SRGAP3: variants seen among roughly 807,000 people sequenced by gnomAD.
The protein encoded by SRGAP3 is SLIT-ROBO Rho GTPase activating protein 3.
Under a neutral mutation model 121.1 loss-of-function variants are expected in SRGAP3, and 39 were observed. The observed-to-expected ratio is 0.32, with a 90% CI of 0.25 to 0.42. The LOEUF (loss-of-function observed/expected upper bound fraction) is 0.42, where lower values mean the gene tolerates loss of function less well. Ranked by LOEUF, SRGAP3 falls within the 10% of genes least tolerant of loss-of-function variation. The pLI, the probability that SRGAP3 is intolerant of heterozygous loss-of-function variation, is 1.00. For synonymous variants in SRGAP3, 601 were observed against 570.0 expected (o/e 1.05, Z -0.77); for missense variants, 1,213 against 1,470.6 (o/e 0.82, Z 2.86).
intron 14 of SRGAP3, among the ~76,000 whole-genome samples, chr3:9,017,273 A>G (rs1029414798): frequency 6.6e-6 from 1 of 152,182 alleles, no homozygotes; most frequent in African/African-American, 2.4e-5. Context: ...TATTCATACA[A>G]TAAGGTTTTC....
intron 1 of SRGAP3, among the ~76,000 whole-genome samples, chr3:9,349,521 C>T (rs997455450): frequency 1.1e-4 from 16 of 152,138 alleles, no homozygotes; most frequent in African/African-American, 3.9e-4. Context: ...AGGAACCATG[C>T]CAAGCCATGA....
At chr3:9,125,486 G>A (rs760673784) in intron 1 of SRGAP3, among the ~76,000 whole-genome samples, 55 of 152,164 alleles carry the variant, frequency 3.6e-4, no homozygotes, top group Non-Finnish European at 5.1e-4. Flanking sequence ...GGCTGAGAAG[G>A]GCATGCTTTT....
At position 9,059,689 on chromosome 3, in the gene SRGAP3, G is replaced by T. The variant is rs1268024005; in HGVS notation, c.801+542C>A. ...CGTGTCCTGCACAGCGGGTACTCGG[G>T]AGTCAGTGTTCCGTTCTCCATTTGC... On this transcript the variant is annotated intron_variant, in intron 6 of 21. Transcript: ENST00000383836. 1.9e-5 allele frequency: 4 copies of T among 205,240 alleles called. No homozygotes were observed. The East Asian group carries it at 3.8e-4, about 20-fold the overall frequency. The allele number at this position is 205,240 out of a possible 1,614,324, so 12.7% of individuals were successfully genotyped here.
intron 1 of SRGAP3, among the ~76,000 whole-genome samples, chr3:9,335,819 A>G (rs1214112028): frequency 6.6e-6 from 1 of 152,136 alleles, no homozygotes; most frequent in Non-Finnish European, 1.5e-5. Context: ...TAAGATTTAA[A>G]TGGTCTGGGA....
At chr3:9,104,634 G>C in intron 3 of SRGAP3, 46 bp downstream of exon 3, 1 of 1,612,022 alleles carries the variant, frequency 6.2e-7, no homozygotes, top group Non-Finnish European at 8.5e-7. Context: ...CCATGGGCCA[G>C]CTTGGGGCAA....
At chr3:9,106,560 C>T (rs1410414888) in intron 2 of SRGAP3, among the ~76,000 whole-genome samples, 1 of 152,152 alleles carries the variant, frequency 6.6e-6, no homozygotes, top group Non-Finnish European at 1.5e-5. Context: ...CCCAGAATTC[C>T]CACATGTTGT....
intron 9 of SRGAP3, among the ~76,000 whole-genome samples, chr3:9,052,296 T>C (rs1327796909): frequency 6.6e-6 from 1 of 152,094 alleles, no homozygotes; most frequent in Non-Finnish European, 1.5e-5. Context: ...TTTTTGAAGA[T>C]AGCAAAGATA....
At chr3:9,274,064 A>T (rs1411684458) in intron 3 of SRGAP3, among the ~76,000 whole-genome samples, 1 of 152,138 alleles carries the variant, frequency 6.6e-6, no homozygotes, top group Non-Finnish European at 1.5e-5. Context: ...CTGCTCTCCC[A>T]AAAGACTTTA....
At chr3:9,111,608 C>T (rs544278941) in intron 2 of SRGAP3, among the ~76,000 whole-genome samples, 79 of 152,120 alleles carry the variant, frequency 5.2e-4, no homozygotes, top group Non-Finnish European at 6.9e-4. Flanking sequence ...GGAGGAAGCA[C>T]GAGGGCCGCA....
intron 1 of SRGAP3, among the ~76,000 whole-genome samples, chr3:9,353,219 T>C (rs1268234627): frequency 6.6e-6 from 1 of 152,252 alleles, no homozygotes; most frequent in African/African-American, 2.4e-5. Flanking sequence ...GCTCTTTTCG[T>C]TCCTCTGATA....
At chr3:9,091,560 T>C (rs936938354) in intron 3 of SRGAP3, among the ~76,000 whole-genome samples, 3 of 152,118 alleles carry the variant, frequency 2.0e-5, no homozygotes, top group Admixed American at 6.6e-5. Flanking sequence ...CCCAAAGTGA[T>C]TGTGTTTTTA....
At chr3:9,169,077 C>T (rs1950889274) in intron 1 of SRGAP3, among the ~76,000 whole-genome samples, 1 of 152,152 alleles carries the variant, frequency 6.6e-6, no homozygotes, top group African/African-American at 2.4e-5. Context: ...ATTTCAATCC[C>T]GGCTCGTTCA....
chr3:9,186,446 C>T (rs375184081), intron 1 of SRGAP3, among the ~76,000 whole-genome samples: 4 of 152,242 alleles, frequency 2.6e-5, no homozygotes, highest in South Asian at 2.1e-4. Flanking sequence ...GCACCTGGGA[C>T]GCTCAATAAA....
intron 4 of SRGAP3, among the ~76,000 whole-genome samples, chr3:9,073,958 G>A (rs570050063): frequency 6.6e-6 from 1 of 152,202 alleles, no homozygotes; most frequent in Non-Finnish European, 1.5e-5. Flanking sequence ...AAAGAGTCAG[G>A]AGACATGCTT....
chr3:9,291,459 T>TA (rs1200971160), intron 3 of SRGAP3, among the ~76,000 whole-genome samples: 1 of 152,206 alleles, frequency 6.6e-6, no homozygotes, highest in Non-Finnish European at 1.5e-5. Flanking sequence ...GGTCACAGGT[T>TA]GTAGCCTGGA....
At chr3:9,259,687 T>C (rs191612175) in intron 3 of SRGAP3, among the ~76,000 whole-genome samples, 95 of 152,332 alleles carry the variant, frequency 6.2e-4, no homozygotes, top group African/African-American at 2.2e-3. Flanking sequence ...TCTAAGAGAA[T>C]ATTCTGCATC....
intron 11 of SRGAP3, chr3:9,035,957 A>G (rs1944722951): frequency 6.6e-6 from 1 of 152,294 alleles, no homozygotes; most frequent in South Asian, 2.1e-4. Context: ...CCAGACCACG[A>G]GGGCATGTCA....
intron 2 of SRGAP3, among the ~76,000 whole-genome samples, chr3:9,327,208 T>A (rs1430212808): frequency 1.3e-5 from 2 of 151,914 alleles, no homozygotes; most frequent in Non-Finnish European, 2.9e-5. Flanking sequence ...ACAATTTTTT[T>A]CTCTGAGTAG....
At chr3:9,195,169 CAATA>C (rs1951879339) in intron 1 of SRGAP3, among the ~76,000 whole-genome samples, 1 of 152,170 alleles carries the variant, frequency 6.6e-6, no homozygotes, top group Admixed American at 6.5e-5. Context: ...CATAAAGATC[CAATA>C]ACCAAAAATA....
Sources: allele counts gnomAD v4.1 joint callset (sites outside exome capture counted in the v4.1 genomes callset), GRCh38; gene constraint gnomAD v4.1.1; transcripts MANE v1.5; gene names NCBI Gene and HGNC (gene_info 2026-07-23, HGNC 2026-07-21).